Variants in UBE3D observed in about 807,000 individuals in gnomAD.
UBE3D encodes the protein E3 ubiquitin-protein ligase E3D.
Under a neutral mutation model 49.6 loss-of-function variants are expected in UBE3D, and 48 were observed. The ratio of observed to expected loss-of-function variants is 0.97; its 90% CI spans 0.77 to 1.23. The LOEUF (loss-of-function observed/expected upper bound fraction) is 1.23, where lower values mean the gene tolerates loss of function less well. UBE3D is among the 50% of genes most tolerant of loss of function. UBE3D has a pLI of 0.00. For missense variants in UBE3D, 452 were observed against 468.4 expected (o/e 0.96, Z 0.32); for synonymous variants, 189 against 174.2 (o/e 1.08, Z -0.67).
At chr6:83,018,915 A>G (rs540484666) in intron 8 of UBE3D, 58 bp downstream of exon 8, 1 of 1,593,178 alleles carries the variant, frequency 6.3e-7, no homozygotes, top group East Asian at 2.2e-5. Context: ...TCTTAACACC[A>G]ACATGACAAC....
chr6:82,904,745 T>C (rs1684212975), intron 9 of UBE3D, among the ~76,000 whole-genome samples: 1 of 152,228 alleles, frequency 6.6e-6, no homozygotes. Context: ...TGACTAATTG[T>C]GTATATAAAT....
chr6:82,921,474 C>T (rs1773332816), intron 9 of UBE3D, among the ~76,000 whole-genome samples: 1 of 152,124 alleles, frequency 6.6e-6, no homozygotes. Flanking sequence ...CAAAATAGCA[C>T]ACTGGATCAC....
chr6:83,065,393 C>G (rs1784425800), intron 1 of UBE3D, among the ~76,000 whole-genome samples: 1 of 152,120 alleles, frequency 6.6e-6, no homozygotes, highest in Non-Finnish European at 1.5e-5. Flanking sequence ...AGTTTTGATT[C>G]CATAAGTCTG....
At chr6:83,023,713 T>C (rs913941536) in intron 6 of UBE3D, among the ~76,000 whole-genome samples, 1 of 152,104 alleles carries the variant, frequency 6.6e-6, no homozygotes, top group Non-Finnish European at 1.5e-5. Flanking sequence ...AATAATACAA[T>C]GGACTTTGAG....
chr6:83,059,251 T>C (rs1466744598), intron 1 of UBE3D, among the ~76,000 whole-genome samples: 2 of 152,030 alleles, frequency 1.3e-5, no homozygotes, highest in Admixed American at 6.6e-5. Flanking sequence ...CAGCTGGGTA[T>C]AGTGGCACGC....
chr6:82,999,902 T>C (rs1779504335), intron 8 of UBE3D, among the ~76,000 whole-genome samples: 2 of 152,326 alleles, frequency 1.3e-5, no homozygotes, highest in South Asian at 4.2e-4. Context: ...TAAAAGTCAC[T>C]AATAACCTTT....
intron 5 of UBE3D, among the ~76,000 whole-genome samples, chr6:83,029,321 A>C (rs1781701464): frequency 6.6e-6 from 1 of 152,016 alleles, no homozygotes; most frequent in South Asian, 2.1e-4. Flanking sequence ...TGTTTGGTTA[A>C]TTTGGATTAA....
chr6:83,029,802 C>T (rs1781740231), intron 5 of UBE3D, among the ~76,000 whole-genome samples: 1 of 152,160 alleles, frequency 6.6e-6, no homozygotes, highest in African/African-American at 2.4e-5. Flanking sequence ...CAGTATGTAG[C>T]CACTAATGTC....
chr6:82,978,696 A>T (rs565727063), intron 8 of UBE3D, among the ~76,000 whole-genome samples: 1 of 152,330 alleles, frequency 6.6e-6, no homozygotes, highest in South Asian at 2.1e-4. Flanking sequence ...ATCACCATGA[A>T]GTACACCAAA....
chr6:83,045,490 G>A (rs1443030332), intron 3 of UBE3D, among the ~76,000 whole-genome samples: 1 of 151,484 alleles, frequency 6.6e-6, no homozygotes, highest in Non-Finnish European at 1.5e-5. Context: ...TTATTAATTT[G>A]TAAAAATGTG....
chr6:82,908,797 T>G (rs1772288283), intron 9 of UBE3D, among the ~76,000 whole-genome samples: 1 of 152,182 alleles, frequency 6.6e-6, no homozygotes, highest in Admixed American at 6.5e-5. Flanking sequence ...CTGCATAACT[T>G]ACTCACGTAC....
At chr6:83,049,248 A>G (rs1005764086) in intron 3 of UBE3D, among the ~76,000 whole-genome samples, 3 of 152,204 alleles carry the variant, frequency 2.0e-5, no homozygotes, top group Admixed American at 1.3e-4. Context: ...CAATGGTAAT[A>G]ACAGCTTCTA....
Position 83,019,110 on chromosome 6 carries a change from C to A in UBE3D, c.873G>T (p.Leu291Phe), listed in dbSNP as rs1429295375. 4 of 1,613,054 alleles carry A rather than the reference C, an allele frequency of 2.5e-6. No individual in the cohort carries two copies. The highest frequency in any genetic ancestry group is 3.4e-6 in the Non-Finnish European group (4 of 1,179,690). The part of the protein sequence containing the change: ...ILLWLLNSDS[L>F]VIESLRNSKY... ...TGGAATTTCTCAAAGATTCAATCAC[C>A]AAACTGTCTGAATTTAAAAGCCATA... The change falls in exon 8 of 10, where the codon TTG becomes TTT. Residue 291 changes from leucine to phenylalanine, a missense_variant. Coordinates refer to ENST00000369747, the MANE Select transcript of UBE3D (RefSeq NM_198920.3).
At chr6:82,930,997 T>A (rs955141335) in intron 9 of UBE3D, among the ~76,000 whole-genome samples, 13 of 152,016 alleles carry the variant, frequency 8.6e-5, no homozygotes, top group African/African-American at 3.1e-4. Flanking sequence ...GAAAAAATGG[T>A]TTCGTGGGCC....
rs866391227 is a variant in UBE3D at position 82,966,417 on chromosome 6, G to A, written c.1011-8967C>T. 9.7e-5 allele frequency among the ~76,000 whole-genome samples: 7 copies of A among 72,168 alleles called. 1 individual carries two copies. Among genetic ancestry groups the A allele is most frequent in the Admixed American group, 3.6e-4 (3 of 8,346 alleles). 47.3% of individuals were successfully genotyped at this position (72,168 alleles called of 152,430 possible). On this transcript the variant is annotated intron_variant, in intron 8 of 9. Coordinates refer to ENST00000369747, the MANE Select transcript of UBE3D (RefSeq NM_198920.3). ...TGTAATCCCAGCACTTTGGGAGGCCGAGGCGGGCGGATCACGAGGTCAGGA... is the reference window on the plus strand; with the variant it reads ...TGTAATCCCAGCACTTTGGGAGGCCAAGGCGGGCGGATCACGAGGTCAGGA...
chr6:82,998,900 T>A (rs1779425692), intron 8 of UBE3D, among the ~76,000 whole-genome samples: 1 of 152,202 alleles, frequency 6.6e-6, no homozygotes, highest in African/African-American at 2.4e-5. Flanking sequence ...GCTTAGTAGA[T>A]GATAAGCTGG....
At chr6:82,954,570 AAAGT>A (rs369011936) in intron 9 of UBE3D, among the ~76,000 whole-genome samples, 1 of 152,340 alleles carries the variant, frequency 6.6e-6, no homozygotes, top group African/African-American at 2.4e-5. Flanking sequence ...CTCAGCCAGA[AAAGT>A]AAGAGAATTG....
At chr6:82,977,892 T>C (rs957497442) in intron 8 of UBE3D, among the ~76,000 whole-genome samples, 23 of 152,080 alleles carry the variant, frequency 1.5e-4, no homozygotes, top group Admixed American at 2.0e-4. Context: ...AAAATAGATT[T>C]ACTATAGGAC....
chr6:82,955,635 A>C (rs1255918946), intron 9 of UBE3D, among the ~76,000 whole-genome samples: 4 of 152,228 alleles, frequency 2.6e-5, no homozygotes, highest in Non-Finnish European at 5.9e-5. Context: ...GCAGTGTATG[A>C]ATAAATAAAA....
Sources: gnomAD v4.1 joint callset for allele counts (sites outside exome capture counted in the v4.1 genomes callset) on GRCh38, gnomAD v4.1.1 for gene constraint, MANE v1.5 for transcripts, NCBI Gene and HGNC (gene_info 2026-07-23, HGNC 2026-07-21) for gene names.